PTGER3: variants seen among roughly 807,000 people sequenced by gnomAD.
The protein encoded by PTGER3 is prostaglandin E receptor 3.
PTGER3 carries 22 observed loss-of-function variants against 34.7 expected under a neutral mutation model. The observed-to-expected ratio is 0.63, with a 90% CI of 0.45 to 0.91. The LOEUF is 0.91. PTGER3 is among the 40% of genes least tolerant of loss of function. The pLI, the probability that PTGER3 is intolerant of heterozygous loss-of-function variation, is 0.00. For missense variants in PTGER3, 468 were observed against 519.4 expected (o/e 0.90, Z 0.96); for synonymous variants, 241 against 230.1 (o/e 1.05, Z -0.43).
intron 4 of PTGER3, among the ~76,000 whole-genome samples, chr1:70,891,383 TAC>T (rs1187444889): frequency 6.6e-6 from 1 of 152,222 alleles, no homozygotes; most frequent in East Asian, 1.9e-4. Context: ...TCCTCAGACC[TAC>T]AGTTGGATAT....
intron 4 of PTGER3, among the ~76,000 whole-genome samples, chr1:70,914,560 C>T (rs1557651529): frequency 6.6e-6 from 1 of 151,898 alleles, no homozygotes; most frequent in Non-Finnish European, 1.5e-5. Flanking sequence ...TCTCATAAAA[C>T]TTGTCACAGG....
chr1:70,860,686 C>A (rs1164877159), intron 4 of PTGER3, among the ~76,000 whole-genome samples: 1 of 152,016 alleles, frequency 6.6e-6, no homozygotes, highest in Non-Finnish European at 1.5e-5. Flanking sequence ...CTTAAAGTTG[C>A]AGTTTTCAAG....
intron 4 of PTGER3, among the ~76,000 whole-genome samples, chr1:70,874,924 G>C (rs1646243068): frequency 6.6e-6 from 1 of 152,068 alleles, no homozygotes; most frequent in African/African-American, 2.4e-5. Flanking sequence ...AAATCATACA[G>C]AGTGATTGAA....
At chr1:70,923,323 T>C (rs1306739185) in intron 4 of PTGER3, among the ~76,000 whole-genome samples, 1 of 152,194 alleles carries the variant, frequency 6.6e-6, no homozygotes, top group Non-Finnish European at 1.5e-5. Flanking sequence ...GTTATAATTG[T>C]TATGTGAAAT....
At chr1:70,903,903 C>T (rs1050622588) in intron 4 of PTGER3, among the ~76,000 whole-genome samples, 9 of 152,134 alleles carry the variant, frequency 5.9e-5, no homozygotes, top group African/African-American at 9.7e-5. Context: ...ATTCTTCCCT[C>T]GGTTGGTTTA....
intron 1 of PTGER3, among the ~76,000 whole-genome samples, chr1:71,030,182 G>C (rs983132519): frequency 4.6e-5 from 7 of 152,142 alleles, no homozygotes; most frequent in Non-Finnish European, 1.0e-4. Flanking sequence ...CCAAATCCAA[G>C]ATCTTGAGGA....
intron 4 of PTGER3, among the ~76,000 whole-genome samples, chr1:70,878,740 CA>C (rs1203212609): frequency 7.9e-5 from 12 of 152,116 alleles, no homozygotes; most frequent in African/African-American, 2.2e-4. Flanking sequence ...AAAAGTCATT[CA>C]GAAGCAGGTT....
At chr1:70,947,693 G>A (rs1332302026), downstream of PTGER3, among the ~76,000 whole-genome samples, 1 of 152,116 alleles carries the variant, frequency 6.6e-6, no homozygotes, top group Non-Finnish European at 1.5e-5. Flanking sequence ...GTAGATTTGG[G>A]TTGCTGAGTT....
intron 1 of PTGER3, among the ~76,000 whole-genome samples, chr1:71,025,033 T>C (rs1395042328): frequency 6.6e-6 from 1 of 150,700 alleles, no homozygotes; most frequent in Non-Finnish European, 1.5e-5. Context: ...ACATTAGGCA[T>C]ATCTCCTAAT....
chr1:70,935,006 T>G (rs987633527), intron 4 of PTGER3, among the ~76,000 whole-genome samples: 1 of 152,178 alleles, frequency 6.6e-6, no homozygotes, highest in Non-Finnish European at 1.5e-5. Flanking sequence ...ATCCATCTTG[T>G]ACAAAGCATT....
chr1:70,949,597 C>G (rs1650551451), downstream of PTGER3, among the ~76,000 whole-genome samples: 2 of 152,112 alleles, frequency 1.3e-5, no homozygotes, highest in African/African-American at 4.8e-5. Flanking sequence ...TGAAATGCAT[C>G]ATTAACTACA....
At chr1:70,858,833 G>A (rs933580837) in intron 4 of PTGER3, among the ~76,000 whole-genome samples, 2 of 152,084 alleles carry the variant, frequency 1.3e-5, no homozygotes, top group Non-Finnish European at 1.5e-5. Flanking sequence ...AGAGTTATTC[G>A]TTGAACAAAA....
At chr1:71,002,517 T>G (rs1462874503) in intron 2 of PTGER3, among the ~76,000 whole-genome samples, 1 of 152,210 alleles carries the variant, frequency 6.6e-6, no homozygotes, top group African/African-American at 2.4e-5. Flanking sequence ...TTAAAATATT[T>G]TAAATTACAT....
chr1:70,993,472 A>G (rs1049267472), intron 2 of PTGER3, among the ~76,000 whole-genome samples: 1 of 152,216 alleles, frequency 6.6e-6, no homozygotes, highest in Non-Finnish European at 1.5e-5. Context: ...GCAGAAGTCT[A>G]CATTTTGTAC....
intron 2 of PTGER3, chr1:71,007,977 C>A: frequency 1.0e-6 from 1 of 985,212 alleles, no homozygotes; most frequent in African/African-American, 1.7e-5. Context: ...ATAATAAATT[C>A]TTCAACAAAG....
chr1:70,992,249 C>A (rs187854358), intron 2 of PTGER3, among the ~76,000 whole-genome samples: 47 of 152,294 alleles, frequency 3.1e-4, no homozygotes, highest in African/African-American at 1.1e-3. Flanking sequence ...GTCTGGGAGT[C>A]AGAAGGCCCG....
At chr1:70,869,299 C>A (rs763414249) in intron 4 of PTGER3, 5 of 471,754 alleles carry the variant, frequency 1.1e-5, no homozygotes, top group Non-Finnish European at 1.8e-5. Context: ...GACAAAAACA[C>A]CTTCCATCAG....
chr1:70,863,425 T>C (rs1645972199), intron 4 of PTGER3, among the ~76,000 whole-genome samples: 1 of 152,192 alleles, frequency 6.6e-6, no homozygotes, highest in Non-Finnish European at 1.5e-5. Flanking sequence ...TACAGATGAC[T>C]AATAATCCAG....
intron 4 of PTGER3, among the ~76,000 whole-genome samples, chr1:70,866,174 G>T (rs1266752116): frequency 6.6e-6 from 1 of 152,148 alleles, no homozygotes; most frequent in Non-Finnish European, 1.5e-5. Context: ...TCACCAGAGG[G>T]CTTGGCCTGT....
Sources: allele counts gnomAD v4.1 joint callset (sites outside exome capture counted in the v4.1 genomes callset), GRCh38; gene constraint gnomAD v4.1.1; transcripts MANE v1.5; gene names NCBI Gene and HGNC (gene_info 2026-07-23, HGNC 2026-07-21).